Variants in CCSER1 observed in about 807,000 individuals in gnomAD.
CCSER1 encodes coiled-coil serine rich protein 1.
CCSER1 carries 41 observed loss-of-function variants against 82.0 expected under a neutral mutation model. That is an observed-to-expected ratio of 0.50 (90% CI 0.39 to 0.65). CCSER1 has a LOEUF of 0.65. Among genes scored for constraint, CCSER1 ranks in the 30% least tolerant of loss-of-function variants. CCSER1 has a pLI of 0.00. For missense variants in CCSER1, 1,119 were observed against 1,064.2 expected, an observed-to-expected ratio of 1.05 and a Z score of -0.72; for synonymous variants, 414 against 383.9, an observed-to-expected ratio of 1.08 and a Z score of -0.92.
intron 1 of CCSER1, among the ~76,000 whole-genome samples, chr4:90,290,615 A>G (rs772988122): frequency 5.3e-5 from 8 of 151,892 alleles, no homozygotes; most frequent in Non-Finnish European, 1.0e-4. Flanking sequence ...GTAGGACGGT[A>G]CAACTGTCTC....
intron 5 of CCSER1, among the ~76,000 whole-genome samples, chr4:90,491,359 C>T (rs1315428914): frequency 6.6e-6 from 1 of 152,178 alleles, no homozygotes; most frequent in African/African-American, 2.4e-5. Flanking sequence ...GATTTTCGCA[C>T]ATTGATTTTA....
intron 1 of CCSER1, among the ~76,000 whole-genome samples, chr4:90,184,315 C>T (rs890240814): frequency 6.6e-5 from 10 of 152,106 alleles, no homozygotes; most frequent in African/African-American, 2.4e-4. Flanking sequence ...TCAGCAGCCC[C>T]TGTTGGGAGT....
At position 90,882,270 on chromosome 4, in the gene CCSER1, G is replaced by C. The variant is rs189616146; in HGVS notation, c.2095-41100G>C. Among the ~76,000 whole-genome samples, 55 of 151,928 alleles carry C rather than the reference G, an allele frequency of 3.6e-4. 1 individual carries two copies. Among genetic ancestry groups the C allele is most frequent in the African/African-American group, 1.2e-3 (49 of 41,472 alleles). On this transcript the variant is annotated intron_variant, in intron 8 of 10. Coordinates refer to ENST00000509176, the MANE Select transcript of CCSER1 (RefSeq NM_001145065.2). ...AAGTCATTGACACAAATTTACGAAG[G>C]GACATGAATGGATACATCTGCCTGT... is the stretch of plus-strand genomic sequence containing the variant.
chr4:91,196,178 C>CAAAAAAAAAAAAAAAAAAAAAA (rs61336014), intron 10 of CCSER1, among the ~76,000 whole-genome samples: 1 of 60,824 alleles, frequency 1.6e-5, no homozygotes, highest in African/African-American at 4.3e-5. Context: ...AACAGCGAGA[C>CAAAAAAAAAAAAAAAAAAAAAA]AAAAAAAAAA....
Position 90,550,845 on chromosome 4 carries a change from G to C in CCSER1, c.1725-77180G>C, listed in dbSNP as rs75516443. Among the ~76,000 whole-genome samples the C allele has an allele frequency of 6.8e-3, 1,030 of 152,176 alleles. 13 individuals are homozygous for C. Among genetic ancestry groups the C allele is most frequent in the African/African-American group, 0.021 (858 of 41,548 alleles). On this transcript the variant is annotated intron_variant, in intron 5 of 10. Coordinates refer to ENST00000509176, the MANE Select transcript of CCSER1 (RefSeq NM_001145065.2). ...GTTGGGGGGAAAAGTAGATTACGTG[G>C]TGGCCATTGTAGTAGTTGAGAGCCC...
At chr4:90,999,930 A>T (rs1737854660) in intron 9 of CCSER1, among the ~76,000 whole-genome samples, 1 of 145,354 alleles carries the variant, frequency 6.9e-6, no homozygotes. Flanking sequence ...TCTTATATTT[A>T]AATCTTTAAT....
chr4:90,650,778 G>A (rs1579718341), intron 6 of CCSER1, among the ~76,000 whole-genome samples: 1 of 152,230 alleles, frequency 6.6e-6, no homozygotes, highest in Non-Finnish European at 1.5e-5. Context: ...GTGTCACTAA[G>A]TCCTTTTCTT....
chr4:91,181,421 C>T (rs191911695), intron 10 of CCSER1, among the ~76,000 whole-genome samples: 79 of 152,312 alleles, frequency 5.2e-4, no homozygotes, highest in Admixed American at 7.2e-4. Flanking sequence ...CAGTTCCTGG[C>T]ATTAAGGTCA....
chr4:91,321,693 C>A (rs1375247243), intron 10 of CCSER1, among the ~76,000 whole-genome samples: 1 of 151,950 alleles, frequency 6.6e-6, no homozygotes, highest in Admixed American at 6.6e-5. Context: ...ATCATGCTCA[C>A]ACTTAGTTTT....
At chr4:90,613,384 C>T (rs1349794899) in intron 5 of CCSER1, among the ~76,000 whole-genome samples, 1 of 152,052 alleles carries the variant, frequency 6.6e-6, no homozygotes, top group Admixed American at 6.5e-5. Context: ...AAGATGGTGA[C>T]AGAAGAATAT....
chr4:91,066,440 C>G (rs932106253), intron 9 of CCSER1, among the ~76,000 whole-genome samples: 18 of 151,888 alleles, frequency 1.2e-4, no homozygotes, highest in Non-Finnish European at 2.5e-4. Flanking sequence ...TGTTAGACAA[C>G]AATTAAAAAA....
At chr4:91,266,866 A>T (rs1055996952) in intron 10 of CCSER1, among the ~76,000 whole-genome samples, 2 of 152,144 alleles carry the variant, frequency 1.3e-5, no homozygotes, top group South Asian at 4.1e-4. Flanking sequence ...AATATTTGGT[A>T]TTATCATTCT....
chr4:90,906,170 G>A (rs1368412400), intron 8 of CCSER1, among the ~76,000 whole-genome samples: 1 of 152,026 alleles, frequency 6.6e-6, no homozygotes, highest in Non-Finnish European at 1.5e-5. Flanking sequence ...TAGGTTTTCT[G>A]TCTTCTTATA....
At chr4:91,031,145 C>G (rs1161587860) in intron 9 of CCSER1, among the ~76,000 whole-genome samples, 2 of 152,134 alleles carry the variant, frequency 1.3e-5, no homozygotes, top group Non-Finnish European at 1.5e-5. Context: ...CACGTTTAGG[C>G]AGTATACAAA....
chr4:90,859,422 G>A (rs114949238), intron 8 of CCSER1, among the ~76,000 whole-genome samples: 2,929 of 151,786 alleles, frequency 0.019, 44 homozygotes, highest in Non-Finnish European at 0.025. Flanking sequence ...TGGGAAAAAG[G>A]CTCTTTCTCT....
At chr4:90,609,150 A>G (rs1785132702) in intron 5 of CCSER1, among the ~76,000 whole-genome samples, 1 of 152,024 alleles carries the variant, frequency 6.6e-6, no homozygotes, top group African/African-American at 2.4e-5. Flanking sequence ...TCATATTTTT[A>G]TATATTTATA....
intron 1 of CCSER1, among the ~76,000 whole-genome samples, chr4:90,282,807 G>C (rs916465732): frequency 1.3e-5 from 2 of 151,870 alleles, no homozygotes; most frequent in African/African-American, 4.8e-5. Context: ...CATTTATGGA[G>C]GACCTTTATT....
At chr4:91,000,040 G>A (rs112717871) in intron 9 of CCSER1, among the ~76,000 whole-genome samples, 83 of 151,862 alleles carry the variant, frequency 5.5e-4, no homozygotes, top group African/African-American at 1.8e-3. Flanking sequence ...TATTGAATAC[G>A]GAGTTCTTTC....
At chr4:91,528,040 G>A (rs953936002) in intron 10 of CCSER1, among the ~76,000 whole-genome samples, 1 of 151,996 alleles carries the variant, frequency 6.6e-6, no homozygotes, top group African/African-American at 2.4e-5. Context: ...TCAGCCACCT[G>A]AGTAGCTGGA....
Sources: gnomAD v4.1 joint callset for allele counts (sites outside exome capture counted in the v4.1 genomes callset) on GRCh38, gnomAD v4.1.1 for gene constraint, MANE v1.5 for transcripts, NCBI Gene and HGNC (gene_info 2026-07-23, HGNC 2026-07-21) for gene names.